Variants in NUMB observed in about 807,000 individuals in gnomAD.
NUMB encodes protein numb homolog.
NUMB carries 29 observed loss-of-function variants against 59.7 expected under a neutral mutation model. The observed-to-expected ratio is 0.49, with a 90% CI of 0.36 to 0.66. The LOEUF is 0.66. Ranked by LOEUF, NUMB falls within the 30% of genes least tolerant of loss-of-function variation. The probability of loss-of-function intolerance (pLI) is 0.00; values close to 1 mark genes in which losing one functional copy is unlikely to be tolerated. For synonymous variants in NUMB, 288 were observed against 288.2 expected (o/e 1.00, Z 0.01); for missense variants, 723 against 822.0 (o/e 0.88, Z 1.47).
intron 2 of NUMB, among the ~76,000 whole-genome samples, chr14:73,371,538 A>T (rs1894672190): frequency 6.6e-6 from 1 of 152,152 alleles, no homozygotes; most frequent in Non-Finnish European, 1.5e-5. Flanking sequence ...CATCTCAAAA[A>T]AAAAAAACTT....
chr14:73,350,078 TACACAC>T (rs71112732), intron 4 of NUMB, among the ~76,000 whole-genome samples: 2 of 137,696 alleles, frequency 1.5e-5, no homozygotes, highest in East Asian at 4.4e-4. Context: ...CATACATACA[TACACAC>T]ACACACACAC....
chr14:73,420,891 A>G (rs1245847072), intron 1 of NUMB, among the ~76,000 whole-genome samples: 13 of 152,162 alleles, frequency 8.5e-5, no homozygotes, highest in Admixed American at 8.5e-4. Flanking sequence ...AACACAATAA[A>G]ATAAAATTCA....
At chr14:73,434,983 A>C (rs956634172) in intron 1 of NUMB, among the ~76,000 whole-genome samples, 7 of 152,202 alleles carry the variant, frequency 4.6e-5, no homozygotes, top group Non-Finnish European at 4.4e-5. Flanking sequence ...AGTAGTAATA[A>C]AACACACAAT....
intron 7 of NUMB, among the ~76,000 whole-genome samples, chr14:73,296,524 T>A (rs10162414): frequency 0.32 from 48,980 of 151,458 alleles, 9,114 homozygotes; most frequent in East Asian, 0.71. Context: ...TGTAGAACAA[T>A]ATGTTGAGAG....
At chr14:73,377,150 A>T (rs1293015509) in intron 2 of NUMB, among the ~76,000 whole-genome samples, 2 of 152,246 alleles carry the variant, frequency 1.3e-5, no homozygotes. Context: ...AACATAGGAT[A>T]ACATCTAGAT....
intron 1 of NUMB, among the ~76,000 whole-genome samples, chr14:73,416,322 TTTTTC>T (rs1450098210): frequency 1.4e-5 from 2 of 140,348 alleles, no homozygotes; most frequent in Admixed American, 7.3e-5. Flanking sequence ...ATACTCTTAC[TTTTTC>T]TTTTCTTTTT....
chr14:73,420,590 C>T (rs1897312275), intron 1 of NUMB, among the ~76,000 whole-genome samples: 1 of 152,116 alleles, frequency 6.6e-6, no homozygotes. Context: ...GATGCCAACG[C>T]ACGCGGATTG....
At position 73,370,418 on chromosome 14, in the gene NUMB, G is replaced by A. The variant is rs117541376; in HGVS notation, c.-100-3437C>T. Among the ~76,000 whole-genome samples the A allele has an allele frequency of 1.2e-4, 18 of 152,320 alleles. No individual in the cohort carries two copies. The East Asian group carries it at 1.9e-3, about 16-fold the overall frequency. On this transcript the variant is annotated intron_variant, in intron 2 of 12. Coordinates refer to ENST00000555238, the MANE Select transcript of NUMB (RefSeq NM_001005743.2). ...AAAAGTCAGTTTCTTCTCGCCAGGC[G>A]TGGTGGCTCACGCTTGTAATCCCAG...
intron 1 of NUMB, among the ~76,000 whole-genome samples, chr14:73,412,301 T>C (rs1896932571): frequency 6.6e-6 from 1 of 152,038 alleles, no homozygotes; most frequent in African/African-American, 2.4e-5. Flanking sequence ...TAATCCTCAA[T>C]AACTCTCATG....
At chr14:73,442,998 G>T (rs893785573) in intron 1 of NUMB, among the ~76,000 whole-genome samples, 1 of 152,066 alleles carries the variant, frequency 6.6e-6, no homozygotes, top group Admixed American at 6.6e-5. Flanking sequence ...GAGTAGCTGG[G>T]ACTACAAGCA....
chr14:73,406,266 C>T (rs1373816268), intron 2 of NUMB, among the ~76,000 whole-genome samples: 27 of 129,206 alleles, frequency 2.1e-4, no homozygotes, highest in Non-Finnish European at 3.9e-4. Context: ...CATGACAGGC[C>T]CCGGTGTGTG....
At chr14:73,407,684 T>C (rs982607557) in intron 2 of NUMB, among the ~76,000 whole-genome samples, 1 of 152,206 alleles carries the variant, frequency 6.6e-6, no homozygotes, top group South Asian at 2.1e-4. Context: ...GTAAATCACT[T>C]TGGAATGAGA....
At chr14:73,412,632 G>GA (rs1180955520) in intron 1 of NUMB, among the ~76,000 whole-genome samples, 22,361 of 92,492 alleles carry the variant, frequency 0.24, 2,319 homozygotes, top group Non-Finnish European at 0.31. Flanking sequence ...CGTCTCAAAA[G>GA]AAAAAAAAAA....
At chr14:73,377,223 A>C (rs1894993761) in intron 2 of NUMB, among the ~76,000 whole-genome samples, 1 of 152,224 alleles carries the variant, frequency 6.6e-6, no homozygotes, top group Non-Finnish European at 1.5e-5. Context: ...TAAAGAAATA[A>C]TTAATAAGCT....
At chr14:73,393,348 A>G (rs1396979976) in intron 2 of NUMB, among the ~76,000 whole-genome samples, 2 of 152,212 alleles carry the variant, frequency 1.3e-5, no homozygotes, top group Admixed American at 6.5e-5. Context: ...TCCAATTGCA[A>G]TATTCACCAT....
intron 5 of NUMB, among the ~76,000 whole-genome samples, chr14:73,317,631 T>C (rs1157449387): frequency 6.6e-6 from 1 of 152,144 alleles, no homozygotes; most frequent in Non-Finnish European, 1.5e-5. Flanking sequence ...ATAAAGAAAC[T>C]TGCATTGACA....
chr14:73,423,867 G>A (rs1246577226), intron 1 of NUMB, among the ~76,000 whole-genome samples: 1 of 150,662 alleles, frequency 6.6e-6, no homozygotes, highest in Non-Finnish European at 1.5e-5. Context: ...TTGGGAGGGT[G>A]AGGCAGGAGA....
chr14:73,342,181 G>A (rs2139979777), intron 4 of NUMB, among the ~76,000 whole-genome samples: 1 of 152,378 alleles, frequency 6.6e-6, no homozygotes, highest in East Asian at 1.9e-4. Flanking sequence ...ACAGGCGTAA[G>A]CCACTGTCCC....
At chr14:73,326,961 A>G (rs1186713188) in intron 4 of NUMB, among the ~76,000 whole-genome samples, 1 of 152,230 alleles carries the variant, frequency 6.6e-6, no homozygotes, top group African/African-American at 2.4e-5. Context: ...GTTTACATTC[A>G]TGACTTCAAA....
Sources: gnomAD v4.1 joint callset for allele counts (sites outside exome capture counted in the v4.1 genomes callset) on GRCh38, gnomAD v4.1.1 for gene constraint, MANE v1.5 for transcripts, NCBI Gene and HGNC (gene_info 2026-07-23, HGNC 2026-07-21) for gene names.